Variants in PGAP2 observed in about 807,000 individuals in gnomAD.
PGAP2 encodes the protein post-GPI attachment to proteins 2.
Under a neutral mutation model 33.2 loss-of-function variants are expected in PGAP2, and 21 were observed. That is an observed-to-expected ratio of 0.63 (90% CI 0.45 to 0.91). The LOEUF (loss-of-function observed/expected upper bound fraction) is 0.91, where lower values mean the gene tolerates loss of function less well. PGAP2 is among the 40% of genes least tolerant of loss of function. PGAP2 has a pLI of 0.00. For missense variants in PGAP2, 345 were observed against 424.0 expected (o/e 0.81, Z 1.64); for synonymous variants, 161 against 172.9 (o/e 0.93, Z 0.54).
chr11:3,820,014 G>A (rs560488587), intron 3 of PGAP2, among the ~76,000 whole-genome samples: 1 of 152,056 alleles, frequency 6.6e-6, no homozygotes, highest in South Asian at 2.1e-4. Flanking sequence ...TTTCTCCCCA[G>A]TACCTGTTCC....
At chr11:3,813,756 G>A (rs182537781) in intron 2 of PGAP2, among the ~76,000 whole-genome samples, 1 of 152,302 alleles carries the variant, frequency 6.6e-6, no homozygotes, top group South Asian at 2.1e-4. Context: ...CATGGTATAA[G>A]TCAATCATAG....
intron 1 of PGAP2, among the ~76,000 whole-genome samples, chr11:3,801,928 G>A (rs931498889): frequency 8.5e-5 from 13 of 152,126 alleles, no homozygotes; most frequent in Admixed American, 2.6e-4. Flanking sequence ...CTCAGCCTGT[G>A]TGACAGAGGG....
intron 3 of PGAP2, 45 bp downstream of exon 3, chr11:3,817,580 G>GTCT: frequency 6.6e-7 from 1 of 1,511,816 alleles, no homozygotes. Flanking sequence ...CAGGTCAGGA[G>GTCT]GTGGCAGTTA....
chr11:3,822,975 T>C, intron 3 of PGAP2: 1 of 1,529,084 alleles, frequency 6.5e-7, no homozygotes, highest in South Asian at 1.2e-5. Flanking sequence ...AACATGGTCA[T>C]TTCCTTAGAC....
At chr11:3,799,162 C>T (rs1343789630) in intron 1 of PGAP2, among the ~76,000 whole-genome samples, 1 of 152,164 alleles carries the variant, frequency 6.6e-6, no homozygotes, top group African/African-American at 2.4e-5. Flanking sequence ...ACTGATATTA[C>T]AAGAGTGAAA....
upstream of PGAP2, chr11:3,808,489 G>A: frequency 7.1e-7 from 1 of 1,417,418 alleles, no homozygotes; most frequent in Non-Finnish European, 9.2e-7. Context: ...AAGCGGGGAG[G>A]AGCCAGCGGA....
At chr11:3,825,205 G>A in intron 6 of PGAP2, 77 bp downstream of exon 6, 1 of 1,564,586 alleles carries the variant, frequency 6.4e-7, no homozygotes, top group Non-Finnish European at 8.8e-7. Flanking sequence ...ATGGGCAATG[G>A]TCTTGGGGAC....
At chr11:3,808,440 G>A (rs913020268), upstream of PGAP2, 7 of 1,522,598 alleles carry the variant, frequency 4.6e-6, no homozygotes, top group African/African-American at 2.8e-5. Flanking sequence ...TTGAGGACAC[G>A]CCAGATTGAG....
chr11:3,798,769 G>A (rs965256763), intron 1 of PGAP2, among the ~76,000 whole-genome samples: 3 of 150,866 alleles, frequency 2.0e-5, no homozygotes, highest in Non-Finnish European at 2.9e-5. Flanking sequence ...GTAGCCTCCC[G>A]AGTAGCTGGG....
At chr11:3,808,843 C>G (rs997939132) in intron 1 of PGAP2, among the ~76,000 whole-genome samples, 192 bp downstream of exon 1, 1 of 152,210 alleles carries the variant, frequency 6.6e-6, no homozygotes, top group Non-Finnish European at 1.5e-5. Context: ...TTCTCCCTCC[C>G]CAGCGTGGGG....
In PGAP2 at chr11:3,811,538, G is replaced by A. The variant is rs751048191; in HGVS notation, c.165+114G>A. On this transcript the variant is annotated intron_variant, in intron 2 of 6. Transcript: ENST00000278243. This position sits in a 1 kb window ranked among gnomAD's most constrained non-coding sequence, Gnocchi z 4.6. Reference sequence around the variant, plus strand: ...CTCCACTGGGGCCCATCAAACATACGGGGCTGCTGGGGGGATGCCTGCAAA... The same window carrying A: ...CTCCACTGGGGCCCATCAAACATACAGGGCTGCTGGGGGGATGCCTGCAAA... 3.3e-5 allele frequency: 31 copies of A among 947,486 alleles called. No individual in the cohort carries two copies. Among genetic ancestry groups the A allele is most frequent in the Non-Finnish European group, 3.8e-5 (25 of 651,668 alleles). 58.7% of individuals were successfully genotyped at this position (947,486 alleles called of 1,614,324 possible).
At chr11:3,803,658 C>T (rs1283019670), upstream of PGAP2, among the ~76,000 whole-genome samples, 1 of 151,664 alleles carries the variant, frequency 6.6e-6, no homozygotes, top group African/African-American at 2.4e-5. Context: ...AAGCTCCTGA[C>T]ATTAAATGTT....
Position 3,802,076 on chromosome 11 carries a change from C to CTTTTTT in PGAP2, c.139+4103_139+4108dup, listed in dbSNP as rs3061897. Among the ~76,000 whole-genome samples, 10 of 137,154 alleles carry CTTTTTT rather than the reference C, an allele frequency of 7.3e-5. 1 individual carries two copies. Among genetic ancestry groups the CTTTTTT allele is most frequent in the South Asian group, 2.2e-4 (1 of 4,478 alleles). The allele number at this position is 137,154 out of a possible 152,430, so 90.0% of individuals were successfully genotyped here. A position where few individuals can be genotyped will look rare whatever the true frequency, so the allele number is the denominator to read the frequency against. On this transcript the variant is annotated intron_variant, in intron 1 of 6. Coordinates refer to the PGAP2 transcript ENST00000300730. ...TTTTCTTTTATTTCTTTTCCTTTTC[C>CTTTTTT]TTTTTTTTTTTTTTGCTATAAAATG...
rs996595624 is a variant in PGAP2 at position 3,825,243 on chromosome 11, A to G, written c.818-85A>G. On this transcript the variant is annotated intron_variant, in intron 6 of 6. Coordinates refer to ENST00000278243, the MANE Select transcript of PGAP2 (RefSeq NM_014489.4). ...GCTGCCATTGTGTTCTCTGTGGCAGACCAATGGTGGTGTGATTTATCAAGA... is the reference window on the plus strand; with the variant it reads ...GCTGCCATTGTGTTCTCTGTGGCAGGCCAATGGTGGTGTGATTTATCAAGA... 12 of 1,554,948 alleles carry G rather than the reference A, an allele frequency of 7.7e-6. No homozygotes were observed. In the Admixed American group the frequency reaches 1.5e-4, roughly 20 times the overall value.
At chr11:3,821,997 G>T (rs967099011) in intron 3 of PGAP2, among the ~76,000 whole-genome samples, 18 of 152,210 alleles carry the variant, frequency 1.2e-4, no homozygotes, top group Non-Finnish European at 2.1e-4. Flanking sequence ...AGTAGAGGCT[G>T]CAGTGAGCCG....
At chr11:3,815,354 G>C (rs954037230) in intron 2 of PGAP2, among the ~76,000 whole-genome samples, 8 of 151,358 alleles carry the variant, frequency 5.3e-5, no homozygotes, top group African/African-American at 1.7e-4. Flanking sequence ...TGTCACCCAG[G>C]CTGGAGTGCA....
chr11:3,808,459 C>T (rs2084850802), upstream of PGAP2: 1 of 1,491,400 alleles, frequency 6.7e-7, no homozygotes, highest in African/African-American at 1.4e-5. Context: ...AGGAGGAGAG[C>T]CAGGGGTCGG....
chr11:3,813,341 T>G (rs939559624), intron 2 of PGAP2, among the ~76,000 whole-genome samples: 1 of 151,862 alleles, frequency 6.6e-6, no homozygotes, highest in Non-Finnish European at 1.5e-5. Context: ...CTCAGACTCC[T>G]GAGTAGTTAG....
upstream of PGAP2, among the ~76,000 whole-genome samples, chr11:3,806,258 CAA>C (rs1224765422): frequency 6.6e-6 from 1 of 151,384 alleles, no homozygotes; most frequent in East Asian, 1.9e-4. Context: ...TGGAGCTAGA[CAA>C]AGAGGATGAC....
Sources: allele counts gnomAD v4.1 joint callset (sites outside exome capture counted in the v4.1 genomes callset), GRCh38; gene constraint gnomAD v4.1.1; non-coding constraint Gnocchi (gnomAD v3.1); transcripts MANE v1.5; gene names NCBI Gene and HGNC (gene_info 2026-07-23, HGNC 2026-07-21).